DLG2: variants seen among roughly 807,000 people sequenced by gnomAD.
DLG2 encodes discs large MAGUK scaffold protein 2.
A neutral mutation model predicts 132.5 loss-of-function variants in DLG2; 45 were observed. The ratio of observed to expected loss-of-function variants is 0.34; its 90% CI spans 0.27 to 0.44. DLG2 has a LOEUF of 0.44. DLG2 is among the 20% of genes least tolerant of loss of function. The probability of loss-of-function intolerance (pLI) is 1.00; values close to 1 mark genes in which losing one functional copy is unlikely to be tolerated. For missense variants in DLG2, 1,045 were observed against 1,196.9 expected, an observed-to-expected ratio of 0.87 and a Z score of 1.87; for synonymous variants, 424 against 419.6, an observed-to-expected ratio of 1.01 and a Z score of -0.13.
At chr11:84,881,446 A>G (rs889127900) in intron 6 of DLG2, among the ~76,000 whole-genome samples, 4 of 152,134 alleles carry the variant, frequency 2.6e-5, no homozygotes, top group African/African-American at 9.7e-5. Flanking sequence ...GGAATCCCAG[A>G]TAAATAACAT....
intron 18 of DLG2, chr11:83,682,395 A>G: frequency 1.0e-6 from 1 of 985,398 alleles, no homozygotes; most frequent in African/African-American, 1.7e-5. Flanking sequence ...CTGGGTACAT[A>G]TATTTCCTTG....
At chr11:85,009,961 C>T (rs140766325) in intron 6 of DLG2, among the ~76,000 whole-genome samples, 75 of 152,154 alleles carry the variant, frequency 4.9e-4, no homozygotes, top group African/African-American at 1.6e-3. Context: ...ATGTAGGTTG[C>T]CCAAGAATCC....
rs2063471776 is a variant in DLG2 at position 83,871,652 on chromosome 11, C to T, written c.1565+2768G>A. On this transcript the variant is annotated intron_variant, in intron 16 of 27. Coordinates refer to ENST00000376104, the MANE Select transcript of DLG2 (RefSeq NM_001142699.3). ...TCCCACTATGTGCACGTTATCTCTTCATCTGACAACCAGCTGGGCATGTAT... is the reference window on the plus strand; with the variant it reads ...TCCCACTATGTGCACGTTATCTCTTTATCTGACAACCAGCTGGGCATGTAT... Among the ~76,000 whole-genome samples the T allele has an allele frequency of 1.7e-4, 6 of 35,344 alleles. No homozygotes were observed. The South Asian group carries it at 4.0e-3, about 24-fold the overall frequency. 23.2% of individuals were successfully genotyped at this position (35,344 alleles called of 152,430 possible). A position where few individuals can be genotyped will look rare whatever the true frequency, so the allele number is the denominator to read the frequency against.
chr11:83,822,264 T>C (rs2051040257), intron 17 of DLG2, among the ~76,000 whole-genome samples: 1 of 152,152 alleles, frequency 6.6e-6, no homozygotes, highest in South Asian at 2.1e-4. Flanking sequence ...TCTCCTTTTA[T>C]TCTCTCAGGC....
At chr11:84,595,610 T>G (rs2099554819) in intron 6 of DLG2, among the ~76,000 whole-genome samples, 1 of 152,188 alleles carries the variant, frequency 6.6e-6, no homozygotes. Flanking sequence ...AGACAGATTT[T>G]GCGGAGAAAA....
At chr11:84,324,984 C>T (rs1382794570) in intron 7 of DLG2, among the ~76,000 whole-genome samples, 2 of 151,998 alleles carry the variant, frequency 1.3e-5, no homozygotes, top group African/African-American at 4.8e-5. Flanking sequence ...AATTTTACTT[C>T]TTCCTTTCCA....
chr11:83,709,434 T>G (rs1336594389), intron 18 of DLG2, among the ~76,000 whole-genome samples: 1 of 151,832 alleles, frequency 6.6e-6, no homozygotes, highest in Non-Finnish European at 1.5e-5. Flanking sequence ...CATTGTAAAG[T>G]TCAGCTCCAC....
intron 6 of DLG2, among the ~76,000 whole-genome samples, chr11:85,011,717 C>A (rs956246140): frequency 9.9e-5 from 15 of 152,058 alleles, no homozygotes; most frequent in African/African-American, 3.1e-4. Flanking sequence ...TCACTTAATG[C>A]AGTTCAAGTT....
chr11:84,047,354 C>A (rs567172596), intron 11 of DLG2, among the ~76,000 whole-genome samples: 1 of 151,560 alleles, frequency 6.6e-6, no homozygotes, highest in East Asian at 1.9e-4. Flanking sequence ...CCGATACATA[C>A]CCAATATCTC....
intron 19 of DLG2, among the ~76,000 whole-genome samples, chr11:83,589,285 A>G (rs1373665197): frequency 6.0e-4 from 91 of 150,472 alleles, no homozygotes; most frequent in African/African-American, 2.0e-3. Flanking sequence ...GACTAACAGC[A>G]GATCTCTCGG....
chr11:84,222,754 T>C (rs1438346558), intron 8 of DLG2, among the ~76,000 whole-genome samples: 3 of 152,190 alleles, frequency 2.0e-5, no homozygotes, highest in Non-Finnish European at 4.4e-5. Context: ...AAATTCACTC[T>C]AGAGCTTAAT....
chr11:84,541,581 C>T (rs904908758), intron 6 of DLG2, among the ~76,000 whole-genome samples: 1 of 152,074 alleles, frequency 6.6e-6, no homozygotes, highest in Non-Finnish European at 1.5e-5. Context: ...CTCCATGTGC[C>T]TATCTCCCCT....
At chr11:84,150,911 A>G (rs1386280065) in intron 9 of DLG2, among the ~76,000 whole-genome samples, 3 of 152,194 alleles carry the variant, frequency 2.0e-5, no homozygotes, top group Non-Finnish European at 4.4e-5. Context: ...AATTACATTT[A>G]TTGATTTGCA....
intron 6 of DLG2, among the ~76,000 whole-genome samples, chr11:84,940,814 C>T (rs1339139715): frequency 1.3e-5 from 2 of 152,290 alleles, no homozygotes; most frequent in African/African-American, 4.8e-5. Flanking sequence ...GACCAATGAC[C>T]TAGAGAGTTT....
chr11:84,329,689 C>A (rs1183225831), intron 7 of DLG2, among the ~76,000 whole-genome samples: 1 of 152,172 alleles, frequency 6.6e-6, no homozygotes, highest in Non-Finnish European at 1.5e-5. Context: ...TGAACTCTTC[C>A]ATTGACTAGT....
chr11:84,327,798 T>C (rs934653582), intron 7 of DLG2, among the ~76,000 whole-genome samples: 1 of 152,234 alleles, frequency 6.6e-6, no homozygotes, highest in Admixed American at 6.5e-5. Context: ...TACTTATGGT[T>C]ATTTTTATAC....
chr11:84,590,111 G>T (rs2099539219), intron 6 of DLG2, among the ~76,000 whole-genome samples: 1 of 152,178 alleles, frequency 6.6e-6, no homozygotes, highest in South Asian at 2.1e-4. Context: ...TACCCTGTTG[G>T]AAGGGCAATA....
At chr11:83,786,216 G>C (rs2039899828) in intron 18 of DLG2, among the ~76,000 whole-genome samples, 1 of 152,082 alleles carries the variant, frequency 6.6e-6, no homozygotes, top group South Asian at 2.1e-4. Context: ...TTCAAACAAG[G>C]GATATTGTAG....
chr11:84,432,833 G>A (rs1433787714), intron 7 of DLG2, among the ~76,000 whole-genome samples: 1 of 151,916 alleles, frequency 6.6e-6, no homozygotes, highest in East Asian at 1.9e-4. Flanking sequence ...GACCAGCCTG[G>A]GCAACATGGT....
Sources: gnomAD v4.1 joint callset for allele counts (sites outside exome capture counted in the v4.1 genomes callset) on GRCh38, gnomAD v4.1.1 for gene constraint, MANE v1.5 for transcripts, NCBI Gene and HGNC (gene_info 2026-07-23, HGNC 2026-07-21) for gene names.